Variants in UBE3C observed in about 807,000 individuals in gnomAD.
The protein encoded by UBE3C is ubiquitin protein ligase E3C.
Under a neutral mutation model 129.4 loss-of-function variants are expected in UBE3C, and 42 were observed. The ratio of observed to expected loss-of-function variants is 0.32; its 90% CI spans 0.25 to 0.42. UBE3C has a LOEUF of 0.42. Among genes scored for constraint, UBE3C ranks in the 10% least tolerant of loss-of-function variants. The pLI is 1.00. For synonymous variants in UBE3C, 510 were observed against 492.4 expected (o/e 1.04, Z -0.47); for missense variants, 1,049 against 1,319.1 (o/e 0.80, Z 3.17).
intron 1 of UBE3C, among the ~76,000 whole-genome samples, chr7:157,156,300 CTTTT>C (rs1173730075): frequency 3.1e-4 from 27 of 85,870 alleles, no homozygotes; most frequent in Admixed American, 1.2e-3. Context: ...ACCCCCAGTT[CTTTT>C]TTTTTTTTTT....
chr7:157,173,472 A>C (rs1808435246), intron 4 of UBE3C, among the ~76,000 whole-genome samples: 1 of 152,244 alleles, frequency 6.6e-6, no homozygotes, highest in South Asian at 2.1e-4. Flanking sequence ...TCTAGGAGTA[A>C]GCATAATGCC....
intron 18 of UBE3C, 188 bp downstream of exon 18, chr7:157,231,515 C>A: frequency 1.3e-6 from 1 of 746,022 alleles, no homozygotes; most frequent in Non-Finnish European, 2.1e-6. Context: ...TTGAATGTCC[C>A]CTCCAAACTC....
intron 18 of UBE3C, among the ~76,000 whole-genome samples, chr7:157,240,273 T>C (rs1796274585): frequency 6.6e-6 from 1 of 152,170 alleles, no homozygotes; most frequent in African/African-American, 2.4e-5. Flanking sequence ...CAGGCTGGTC[T>C]CGAATTCCTG....
intron 2 of UBE3C, chr7:157,164,456 A>C: frequency 2.2e-6 from 1 of 456,618 alleles, no homozygotes; most frequent in South Asian, 1.5e-5. Context: ...CGTCTGGCTG[A>C]TGATGTTGAT....
rs1373411832 is a variant in UBE3C, at chr7:157,256,901, C to G, written c.2951-13C>G. 1 of 1,613,732 alleles carries G rather than the reference C, an allele frequency of 6.2e-7. No homozygotes were observed. Among genetic ancestry groups the G allele is most frequent in the South Asian group, 1.1e-5 (1 of 91,010 alleles). ...CTTTGCATTTCATAAAGCATGTGTT[C>G]ATTTTGCCATAGGAGGCTATTCTGC... is the stretch of plus-strand genomic sequence containing the variant. On this transcript the variant is annotated splice_polypyrimidine_tract_variant and intron_variant, in intron 21 of 22. Coordinates refer to ENST00000348165, the MANE Select transcript of UBE3C (RefSeq NM_014671.3).
intron 1 of UBE3C, among the ~76,000 whole-genome samples, chr7:157,161,799 T>C (rs768009660): frequency 2.0e-5 from 3 of 152,042 alleles, no homozygotes; most frequent in Non-Finnish European, 2.9e-5. Context: ...AGGCCAAGCA[T>C]GGTGTCTCAT....
intron 5 of UBE3C, among the ~76,000 whole-genome samples, chr7:157,176,762 T>G (rs1016364081): frequency 1.3e-5 from 2 of 152,204 alleles, no homozygotes; most frequent in African/African-American, 4.8e-5. Context: ...TTTTGAGAGA[T>G]CTTTGTTTTC....
At chr7:157,152,093 C>G (rs3808316) in intron 1 of UBE3C, among the ~76,000 whole-genome samples, 69,770 of 151,994 alleles carry the variant, frequency 0.46, 17,960 homozygotes, top group African/African-American at 0.71. Context: ...ATGGGCAAAG[C>G]TGTCCAACCA....
At chr7:157,267,520 T>C (rs1797113105) in intron 22 of UBE3C, 65 bp from the exon 23 acceptor site, 1 of 1,577,320 alleles carries the variant, frequency 6.3e-7, no homozygotes, top group Admixed American at 1.8e-5. Flanking sequence ...TTGTGTACTT[T>C]GTATTAAAAC....
In UBE3C at chr7:157,190,046, C is replaced by T. The variant is rs540336317; in HGVS notation, c.1331+3025C>T. On this transcript the variant is annotated intron_variant, in intron 10 of 22. Coordinates refer to ENST00000348165, the MANE Select transcript of UBE3C (RefSeq NM_014671.3). ...GAACTCCTGACCTCAGGTGATCTCC[C>T]GCCTCAGCTTTCCAAAGTGCTGGGA... Among the ~76,000 whole-genome samples, 13 of 152,288 alleles carry T rather than the reference C, an allele frequency of 8.5e-5. No homozygotes were observed. In the East Asian group the frequency reaches 1.2e-3, roughly 14 times the overall value.
chr7:157,140,887 C>T (rs1807426065), intron 1 of UBE3C, among the ~76,000 whole-genome samples: 1 of 152,190 alleles, frequency 6.6e-6, no homozygotes, highest in Admixed American at 6.5e-5. Flanking sequence ...TGAGGTATAA[C>T]TTAAGATACA....
intron 4 of UBE3C, among the ~76,000 whole-genome samples, chr7:157,173,086 A>G (rs1444998366): frequency 2.0e-5 from 3 of 152,254 alleles, no homozygotes; most frequent in Admixed American, 6.5e-5. Context: ...GGATAAAAGA[A>G]AAGTGGGCTG....
chr7:157,217,817 A>T (rs533023425), intron 14 of UBE3C, among the ~76,000 whole-genome samples: 43 of 152,204 alleles, frequency 2.8e-4, no homozygotes, highest in Non-Finnish European at 5.0e-4. Context: ...AGCCTGGGTG[A>T]TAAGAGCGAA....
intron 18 of UBE3C, among the ~76,000 whole-genome samples, chr7:157,236,502 T>G (rs1796156441): frequency 1.3e-5 from 2 of 152,192 alleles, no homozygotes; most frequent in South Asian, 4.1e-4. Context: ...CAGTGTGCAT[T>G]TAATGTATTC....
At chr7:157,147,111 G>C (rs773557018) in intron 1 of UBE3C, among the ~76,000 whole-genome samples, 5 of 152,168 alleles carry the variant, frequency 3.3e-5, no homozygotes, top group Non-Finnish European at 1.5e-5. Context: ...TGAATTGGTA[G>C]ATCAAGTTGG....
intron 10 of UBE3C, chr7:157,189,305 A>T (rs1275492360): frequency 4.7e-6 from 1 of 211,916 alleles, no homozygotes; most frequent in African/African-American, 2.3e-5. Flanking sequence ...TCCTTTTCTG[A>T]GAGGAAATTT....
At chr7:157,267,234 C>T (rs760484109) in intron 22 of UBE3C, among the ~76,000 whole-genome samples, 19 of 152,074 alleles carry the variant, frequency 1.2e-4, no homozygotes, top group Non-Finnish European at 2.5e-4. Flanking sequence ...CCATCCTGGC[C>T]AACGTGGTGA....
intron 2 of UBE3C, among the ~76,000 whole-genome samples, chr7:157,166,467 G>A (rs73492566): frequency 0.058 from 8,828 of 152,118 alleles, 605 homozygotes; most frequent in African/African-American, 0.16. Flanking sequence ...AGGGCTGGGC[G>A]CGATGGCTCA....
At chr7:157,145,771 T>A (rs571885772) in intron 1 of UBE3C, among the ~76,000 whole-genome samples, 2 of 152,336 alleles carry the variant, frequency 1.3e-5, no homozygotes, top group East Asian at 3.9e-4. Flanking sequence ...GCTTTTTTTT[T>A]AGAGTGGTTT....
Sources: gnomAD v4.1 joint callset for allele counts (sites outside exome capture counted in the v4.1 genomes callset) on GRCh38, gnomAD v4.1.1 for gene constraint, MANE v1.5 for transcripts, NCBI Gene and HGNC (gene_info 2026-07-23, HGNC 2026-07-21) for gene names.